Variants in THEMIS observed in about 807,000 individuals in gnomAD.
The protein encoded by THEMIS is thymocyte selection associated, also known as protein THEMIS.
THEMIS carries 37 observed loss-of-function variants against 52.6 expected under a neutral mutation model. That is an observed-to-expected ratio of 0.70 (90% CI 0.54 to 0.93). THEMIS has a LOEUF of 0.93. Ranked by LOEUF, THEMIS falls within the 40% of genes least tolerant of loss-of-function variation. THEMIS has a pLI of 0.00. For missense variants in THEMIS, 808 were observed against 763.1 expected, an observed-to-expected ratio of 1.06 and a Z score of -0.69; for synonymous variants, 292 against 272.7, an observed-to-expected ratio of 1.07 and a Z score of -0.70.
intron 4 of THEMIS, among the ~76,000 whole-genome samples, chr6:127,748,599 G>C (rs1775529501): frequency 6.6e-6 from 1 of 151,984 alleles, no homozygotes; most frequent in Admixed American, 6.6e-5. Context: ...ATGAATACTG[G>C]AGGAGACAGT....
chr6:127,766,461 T>A, intron 4 of THEMIS, among the ~76,000 whole-genome samples: 1 of 152,216 alleles, frequency 6.6e-6, no homozygotes, highest in East Asian at 1.9e-4. Context: ...ATTCTACTTC[T>A]ATATAACATA....
chr6:127,752,363 G>T, intron 4 of THEMIS, among the ~76,000 whole-genome samples: 1 of 137,760 alleles, frequency 7.3e-6, no homozygotes, highest in South Asian at 2.4e-4. Context: ...GAAACGAAGA[G>T]TTTTTTTTTT....
At chr6:127,815,363 GA>G (rs1355975088) in intron 3 of THEMIS, among the ~76,000 whole-genome samples, 3 of 152,012 alleles carry the variant, frequency 2.0e-5, no homozygotes, top group African/African-American at 7.2e-5. Context: ...TTAGAAGACA[GA>G]ATATCCTCTT....
intron 4 of THEMIS, among the ~76,000 whole-genome samples, chr6:127,726,626 C>G (rs1215952362): frequency 6.6e-6 from 1 of 152,062 alleles, no homozygotes; most frequent in East Asian, 1.9e-4. Context: ...AAACTGGGAT[C>G]TAGGTAATTT....
intron 3 of THEMIS, among the ~76,000 whole-genome samples, chr6:127,822,388 C>T (rs887824321): frequency 1.3e-5 from 2 of 151,994 alleles, no homozygotes; most frequent in African/African-American, 2.4e-5. Flanking sequence ...ACCTGGTTCT[C>T]CTCTGGTTCA....
chr6:127,886,374 G>A (rs1249808260), intron 1 of THEMIS, among the ~76,000 whole-genome samples: 1 of 152,070 alleles, frequency 6.6e-6, no homozygotes, highest in East Asian at 1.9e-4. Context: ...TGCAGCAAAG[G>A]GTTAATTCCA....
In THEMIS at chr6:127,767,114, T is replaced by C. The variant is rs1316950778; in HGVS notation, c.1758+45769A>G. Among the ~76,000 whole-genome samples, 10 of 151,748 alleles carry C rather than the reference T, an allele frequency of 6.6e-5. No individual in the cohort carries two copies. In the East Asian group the frequency reaches 1.9e-3, roughly 29 times the overall value. ...CTTTTTTTTTGTTTTTTTTTGGAGA[T>C]GGAGTCTCGCTCTGTCACCCAGGCT... On this transcript the variant is annotated intron_variant, in intron 4 of 5. Transcript: ENST00000368248.
intron 1 of THEMIS, among the ~76,000 whole-genome samples, chr6:127,860,613 T>C (rs967292949): frequency 6.6e-6 from 1 of 152,040 alleles, no homozygotes; most frequent in Non-Finnish European, 1.5e-5. Context: ...ACTTAAAACA[T>C]CTGAACATGG....
At chr6:127,842,508 A>T (rs999152339) in intron 2 of THEMIS, among the ~76,000 whole-genome samples, 2 of 152,012 alleles carry the variant, frequency 1.3e-5, no homozygotes, top group African/African-American at 2.4e-5. Flanking sequence ...AATTTTTCAC[A>T]TGTCCAATAA....
At chr6:127,778,857 A>C (rs191244573) in intron 4 of THEMIS, among the ~76,000 whole-genome samples, 24 of 151,578 alleles carry the variant, frequency 1.6e-4, no homozygotes, top group Non-Finnish European at 2.7e-4. Context: ...TTGCTAAAAA[A>C]ATGGAAGGAA....
chr6:127,906,791 T>C (rs1781279795), intron 1 of THEMIS, among the ~76,000 whole-genome samples: 1 of 151,940 alleles, frequency 6.6e-6, no homozygotes, highest in Admixed American at 6.6e-5. Context: ...ATAGTTAGTA[T>C]CATTATTGCC....
At chr6:127,915,143 G>A (rs1781493866) in intron 1 of THEMIS, among the ~76,000 whole-genome samples, 1 of 151,972 alleles carries the variant, frequency 6.6e-6, no homozygotes, top group Non-Finnish European at 1.5e-5. Context: ...CACTTTTGAA[G>A]CTTTTACTGG....
At chr6:127,907,108 C>A (rs1222678481) in intron 1 of THEMIS, among the ~76,000 whole-genome samples, 1 of 151,898 alleles carries the variant, frequency 6.6e-6, no homozygotes, top group Non-Finnish European at 1.5e-5. Flanking sequence ...ACGAAGAAAT[C>A]TTAGAGATTA....
intron 4 of THEMIS, among the ~76,000 whole-genome samples, chr6:127,774,496 C>T (rs1164674432): frequency 5.9e-5 from 9 of 152,168 alleles, no homozygotes; most frequent in Admixed American, 2.6e-4. Context: ...TGAGCCACTG[C>T]GCCCGGCCAG....
At chr6:127,817,809 T>G (rs997791129) in intron 3 of THEMIS, among the ~76,000 whole-genome samples, 6 of 152,244 alleles carry the variant, frequency 3.9e-5, no homozygotes, top group East Asian at 3.9e-4. Context: ...GTTTAAGAGA[T>G]AAAACTCCTA....
upstream of THEMIS, among the ~76,000 whole-genome samples, chr6:127,902,234 A>G (rs1781154026): frequency 6.7e-6 from 1 of 149,672 alleles, no homozygotes; most frequent in Non-Finnish European, 1.5e-5. Context: ...CTGAGGAAGG[A>G]GGATCACTTG....
At chr6:127,884,136 G>A (rs1269048073) in intron 1 of THEMIS, among the ~76,000 whole-genome samples, 1 of 152,080 alleles carries the variant, frequency 6.6e-6, no homozygotes, top group African/African-American at 2.4e-5. Context: ...CCTACACTCT[G>A]CTGCTTCTCT....
intron 4 of THEMIS, among the ~76,000 whole-genome samples, chr6:127,750,333 G>A (rs1038739452): frequency 2.0e-5 from 3 of 150,422 alleles, no homozygotes; most frequent in Non-Finnish European, 4.4e-5. Context: ...TTTTTTCATC[G>A]TCTTGGCCTA....
At chr6:127,898,553 T>C (rs1781041354) in intron 1 of THEMIS, among the ~76,000 whole-genome samples, 2 of 151,798 alleles carry the variant, frequency 1.3e-5, no homozygotes, top group African/African-American at 2.4e-5. Flanking sequence ...TGGGAATGTG[T>C]ATCAGTACAG....
Sources: allele counts gnomAD v4.1 joint callset (sites outside exome capture counted in the v4.1 genomes callset), GRCh38; gene constraint gnomAD v4.1.1; transcripts MANE v1.5; gene names NCBI Gene and HGNC (gene_info 2026-07-23, HGNC 2026-07-21).